Variants in CRACDL observed in about 807,000 individuals in gnomAD.
The protein encoded by CRACDL is CRACD-like protein.
Under a neutral mutation model 70.6 loss-of-function variants are expected in CRACDL, and 26 were observed. That is an observed-to-expected ratio of 0.37 (90% CI 0.27 to 0.51). The LOEUF (loss-of-function observed/expected upper bound fraction) is 0.51. Among genes scored for constraint, CRACDL ranks in the 20% least tolerant of loss-of-function variants. The pLI is 0.94. For synonymous variants in CRACDL, 618 were observed against 615.2 expected, an observed-to-expected ratio of 1.00 and a Z score of -0.07; for missense variants, 1,283 against 1,376.9, an observed-to-expected ratio of 0.93 and a Z score of 1.08.
chr2:98,820,991 G>A (rs1331591588), intron 7 of CRACDL, among the ~76,000 whole-genome samples: 4 of 152,218 alleles, frequency 2.6e-5, no homozygotes, highest in African/African-American at 4.8e-5. Flanking sequence ...ATCAAAATGA[G>A]TACACATGTC....
At position 98,822,341 on chromosome 2, in the gene CRACDL, C is replaced by A; in HGVS notation, c.1932G>T (p.Ala644=). ...ERGPQDSGDR[A]ASPAGPRKSP... is the part of the protein sequence containing the mutation. ...TCTTGCGCGGCCCGGCCGGGCTGGC[C>A]GCCCTGTCCCCCGAGTCCTGAGGGC... is the stretch of plus-strand genomic sequence containing the variant. Residue 644 remains alanine (A), a synonymous_variant, in exon 7 of 10, where the codon GCG becomes GCT. Coordinates refer to ENST00000397899, the MANE Select transcript of CRACDL (RefSeq NM_207362.3). The surrounding 1 kb of genome is among the most constrained non-coding windows in gnomAD (Gnocchi z 4.9). 6.9e-7 allele frequency: 1 copy of A among 1,458,666 alleles called. No homozygotes were observed. The highest frequency in any genetic ancestry group is 9.0e-7 in the Non-Finnish European group (1 of 1,116,836). The allele number at this position is 1,458,666 out of a possible 1,614,324, so 90.4% of individuals were successfully genotyped here.
At chr2:98,817,356 G>A (rs1420842896) in intron 7 of CRACDL, among the ~76,000 whole-genome samples, 1 of 152,126 alleles carries the variant, frequency 6.6e-6, no homozygotes. Context: ...CTCATGTTAT[G>A]TGTTCATATC....
At chr2:98,904,176 C>T (rs1465030669) in intron 1 of CRACDL, among the ~76,000 whole-genome samples, 1 of 152,134 alleles carries the variant, frequency 6.6e-6, no homozygotes, top group East Asian at 1.9e-4. Flanking sequence ...ACAGTGTGAT[C>T]GAGGGGCCCA....
chr2:98,823,107 T>C lies in CRACDL; in HGVS notation c.1166A>G (p.Glu389Gly). 6.3e-7 allele frequency: 1 copy of C among 1,576,688 alleles called. No homozygotes were observed. Among genetic ancestry groups the C allele is most frequent in the South Asian group, 1.2e-5 (1 of 86,742 alleles). The change falls in exon 7 of 10, where the codon GAG becomes GGG. Residue 389 changes from glutamate to glycine, a missense_variant. Coordinates refer to ENST00000397899, the MANE Select transcript of CRACDL (RefSeq NM_207362.3). This position sits in a 1 kb window ranked among gnomAD's most constrained non-coding sequence, Gnocchi z 4.0. ...GPCAPATDKA[E>G]EVVCAPEDVA... ...GTCTTCGGGAGCACAGACCACCTCCTCCGCCTTGTCCGTGGCCGGGGCACA... is the reference window on the plus strand; with the variant it reads ...GTCTTCGGGAGCACAGACCACCTCCCCCGCCTTGTCCGTGGCCGGGGCACA...
intron 1 of CRACDL, among the ~76,000 whole-genome samples, chr2:98,873,636 C>T (rs1353975617): frequency 6.6e-6 from 1 of 152,266 alleles, no homozygotes; most frequent in African/African-American, 2.4e-5. Flanking sequence ...GGAACCCTCA[C>T]CCACTCATGG....
chr2:98,829,961 T>C (rs1222739976), intron 5 of CRACDL, among the ~76,000 whole-genome samples: 2 of 152,206 alleles, frequency 1.3e-5, no homozygotes, highest in Non-Finnish European at 2.9e-5. Flanking sequence ...GGACACAGAT[T>C]CTAAGAGGTG....
Position 98,821,864 on chromosome 2 carries a change from C to T in CRACDL, c.2409G>A (p.Arg803=), listed in dbSNP as rs2104462681. The change falls in exon 7 of 10, where the codon AGG becomes AGA. Residue 803 remains arginine (R), a synonymous_variant. Coordinates refer to ENST00000397899, the MANE Select transcript of CRACDL (RefSeq NM_207362.3). ...PRTAEKRPLR[R]GAEKSLPPAA... is the part of the protein sequence containing the mutation. ...CCCTCGGCGGGCTCTTACCAGCTCC[C>T]CTGCGCAGCGGCCTTTTCTCCGCCG... is the stretch of plus-strand genomic sequence containing the variant. The T allele has an allele frequency of 1.2e-6, 2 of 1,607,464 alleles. No individual in the cohort carries two copies. Among genetic ancestry groups the T allele is most frequent in the Non-Finnish European group, 1.7e-6 (2 of 1,178,824 alleles).
intron 1 of CRACDL, among the ~76,000 whole-genome samples, chr2:98,853,038 G>A (rs1706547760): frequency 2.3e-5 from 3 of 131,218 alleles, no homozygotes; most frequent in Admixed American, 7.8e-5. Flanking sequence ...GAAAGGGAAG[G>A]GAAGGGGAAA....
At chr2:98,832,212 G>T in intron 5 of CRACDL, 136 bp downstream of exon 5, 8 of 860,410 alleles carry the variant, frequency 9.3e-6, no homozygotes, top group Non-Finnish European at 1.4e-5. Context: ...AGGGCTGATT[G>T]TAGGCTCCAG....
rs774995423 is a variant in CRACDL at position 98,838,219 on chromosome 2, A to C, written c.139T>G (p.Ser47Ala). The part of the protein sequence containing the change: ...FGKKKRKESP[S>A]STGSSTWKQS... ...TTCCAGGTGCTACTTCCTGTGGACG[A>C]CGGCGATTCTTTTCTCTTCTTCTTC... is the stretch of plus-strand genomic sequence containing the variant. The change falls in exon 3 of 10, where the codon TCG becomes GCG. Residue 47 changes from serine (S) to alanine (A), a missense_variant. This residue lies in a region of CRACDL where 362 missense variants were observed against 495.0 expected (regional missense o/e 0.73). Coordinates refer to ENST00000397899, the MANE Select transcript of CRACDL (RefSeq NM_207362.3). The C allele has an allele frequency of 6.2e-7, 1 of 1,613,718 alleles. No individual in the cohort carries two copies.
chr2:98,894,681 G>A (rs1558627278), intron 1 of CRACDL, among the ~76,000 whole-genome samples: 1 of 152,174 alleles, frequency 6.6e-6, no homozygotes, highest in Non-Finnish European at 1.5e-5. Context: ...TCCTCTCCCT[G>A]GATGGCATCT....
intron 1 of CRACDL, among the ~76,000 whole-genome samples, chr2:98,925,578 T>C (rs1194593404): frequency 6.6e-6 from 1 of 152,082 alleles, no homozygotes; most frequent in Non-Finnish European, 1.5e-5. Flanking sequence ...GGCAAAGGCA[T>C]CAGGGTTCAC....
At chr2:98,852,567 C>CT (rs1198448432) in intron 1 of CRACDL, among the ~76,000 whole-genome samples, 18 of 151,804 alleles carry the variant, frequency 1.2e-4, no homozygotes, top group Non-Finnish European at 1.5e-4. Flanking sequence ...AAAGAAGCTA[C>CT]TTAAAACAAA....
At chr2:98,889,285 G>A (rs368483962) in intron 1 of CRACDL, among the ~76,000 whole-genome samples, 40 of 141,072 alleles carry the variant, frequency 2.8e-4, no homozygotes, top group African/African-American at 7.6e-4. Context: ...GAAAAAGAGA[G>A]AGAAAGAAAG....
At chr2:98,901,746 T>C (rs1708287346) in intron 1 of CRACDL, among the ~76,000 whole-genome samples, 1 of 152,088 alleles carries the variant, frequency 6.6e-6, no homozygotes, top group African/African-American at 2.4e-5. Context: ...ATGAGCAAAA[T>C]TGAGTGAACC....
intron 9 of CRACDL, among the ~76,000 whole-genome samples, chr2:98,795,077 A>ATATATATTTTTTTTTTTTTTT: frequency 1.5e-4 from 9 of 58,480 alleles, no homozygotes; most frequent in South Asian, 9.8e-4. Context: ...ATATATATAT[A>ATATATATTTTTTTTTTTTTTT]TTTTTTTTTT....
At chr2:98,853,363 C>G (rs966977304) in intron 1 of CRACDL, among the ~76,000 whole-genome samples, 3 of 152,036 alleles carry the variant, frequency 2.0e-5, no homozygotes, top group Non-Finnish European at 4.4e-5. Flanking sequence ...CAAAGAACAA[C>G]CCAATATTCT....
intron 1 of CRACDL, among the ~76,000 whole-genome samples, chr2:98,883,716 C>T (rs1351190070): frequency 2.0e-5 from 3 of 152,204 alleles, no homozygotes; most frequent in African/African-American, 7.2e-5. Context: ...GAAGTAACTC[C>T]AAGTTCTGTC....
At chr2:98,853,860 C>T (rs1366622296) in intron 1 of CRACDL, among the ~76,000 whole-genome samples, 1 of 151,926 alleles carries the variant, frequency 6.6e-6, no homozygotes, top group Non-Finnish European at 1.5e-5. Context: ...AGAGAAAACA[C>T]TAAAAAATTT....
Sources: allele counts gnomAD v4.1 joint callset (sites outside exome capture counted in the v4.1 genomes callset), GRCh38; gene constraint gnomAD v4.1.1; regional missense constraint gnomAD v4.1.1; non-coding constraint Gnocchi (gnomAD v3.1); transcripts MANE v1.5; gene names NCBI Gene and HGNC (gene_info 2026-07-23, HGNC 2026-07-21).